Variants in NUAK2 observed in about 807,000 individuals in gnomAD.
NUAK2 encodes NUAK family SNF1-like kinase 2.
In NUAK2, 20 loss-of-function variants were observed where a neutral mutation model predicts 29.8. The observed-to-expected ratio is 0.67, with a 90% CI of 0.47 to 0.98. NUAK2 has a LOEUF of 0.98. Ranked by LOEUF, NUAK2 falls within the 50% of genes least tolerant of loss-of-function variation. The pLI is 0.00. For missense variants in NUAK2, 719 were observed against 834.5 expected, an observed-to-expected ratio of 0.86 and a Z score of 1.71; for synonymous variants, 331 against 342.6, an observed-to-expected ratio of 0.97 and a Z score of 0.37.
chr1:205,320,677 G>A (rs1662401264), intron 1 of NUAK2, among the ~76,000 whole-genome samples: 1 of 152,178 alleles, frequency 6.6e-6, no homozygotes, highest in Non-Finnish European at 1.5e-5. Context: ...TGCAAAAGGG[G>A]AAACAAAGTA....
At chr1:205,311,641 G>T (rs1053383924) in intron 2 of NUAK2, 64 bp downstream of exon 2, 3 of 1,579,438 alleles carry the variant, frequency 1.9e-6, no homozygotes, top group African/African-American at 2.7e-5. Flanking sequence ...ATGTACATAC[G>T]CATGTGAACA....
rs374096584 is a variant in NUAK2, at chr1:205,304,351, C to G, written c.986G>C (p.Arg329Pro). 3.1e-6 allele frequency: 5 copies of G among 1,610,478 alleles called. No homozygotes were observed. Among genetic ancestry groups the G allele is most frequent in the Non-Finnish European group, 4.2e-6 (5 of 1,177,826 alleles). The change falls in exon 7 of 7, where the codon CGC becomes CCC. Residue 329 changes from arginine (R) to proline (P), a missense_variant. By Grantham distance (103) the Arg-to-Pro change is moderately radical. Around this residue, in one of 3 missense-constraint regions of NUAK2, gnomAD observed 430 missense variants for 465.7 expected, o/e 0.92. Transcript: ENST00000367157. This position sits in a 1 kb window ranked among gnomAD's most constrained non-coding sequence, Gnocchi z 6.5. ...CCGGAGCCAGTCAGCCATGGAGGCG[C>G]GGGCAGAGTCACTGCCAGGGTGCCC... ...EGGHPGSDSA[R>P]ASMADWLRRS...
chr1:205,319,750 G>A (rs564162931), intron 1 of NUAK2, among the ~76,000 whole-genome samples: 4 of 152,284 alleles, frequency 2.6e-5, no homozygotes, highest in African/African-American at 9.6e-5. Context: ...TGTGCCAGGC[G>A]ATAGCAGGAA....
chr1:205,321,363 G>GC (rs1298317835), intron 1 of NUAK2, 35 bp downstream of exon 1: 2 of 1,570,618 alleles, frequency 1.3e-6, no homozygotes. Flanking sequence ...CCAAGCCGGA[G>GC]CCCGCCCCGC....
Position 205,308,835 on chromosome 1 carries a change from A to T in NUAK2, c.353-103T>A, listed in dbSNP as rs1344739264. On this transcript the variant is annotated intron_variant, in intron 2 of 6. Transcript: ENST00000367157. This position sits in a 1 kb window ranked among gnomAD's most constrained non-coding sequence, Gnocchi z 4.1. The stretch of plus-strand genomic sequence containing the variant: ...GACCCCAGGCCCCAAACCAGACAGG[A>T]CCCCCCTCCAGGAATATCTGCTAAT... 3.0e-6 allele frequency: 4 copies of T among 1,332,138 alleles called. No homozygotes were observed. The Admixed American group carries it at 5.7e-5, about 19-fold the overall frequency. 82.5% of individuals were successfully genotyped at this position (1,332,138 alleles called of 1,614,324 possible).
intron 4 of NUAK2, among the ~76,000 whole-genome samples, chr1:205,307,096 G>A (rs148383438): frequency 7.6e-4 from 116 of 152,268 alleles, no homozygotes; most frequent in African/African-American, 2.6e-3. Context: ...CAACCCCATC[G>A]TCTCGTTGCC....
chr1:205,317,638 G>C (rs1449457885), intron 1 of NUAK2, among the ~76,000 whole-genome samples: 1 of 152,198 alleles, frequency 6.6e-6, no homozygotes, highest in African/African-American at 2.4e-5. Context: ...TCCCTGCCCA[G>C]CCTTCTTGTG....
Position 205,308,602 on chromosome 1 carries a change from A to G in NUAK2, c.483T>C (p.Ser161=). ...TCACCTGATGGCAATAGTGCACGGC[A>G]GAGACGATCTGCCGGAAGAAATGCC... The part of the protein sequence containing the change: ...EARHFFRQIV[S]AVHYCHQNRV... The change falls in exon 3 of 7, where the codon TCT becomes TCC. Residue 161 remains serine (S), a synonymous_variant. Transcript: ENST00000367157. The surrounding 1 kb of genome is among the most constrained non-coding windows in gnomAD (Gnocchi z 4.1). 6.2e-7 allele frequency: 1 copy of G among 1,614,072 alleles called. No homozygotes were observed. The highest frequency in any genetic ancestry group is 8.5e-7 in the Non-Finnish European group (1 of 1,179,996).
chr1:205,312,962 C>A (rs1452190853), intron 1 of NUAK2, among the ~76,000 whole-genome samples: 1 of 152,122 alleles, frequency 6.6e-6, no homozygotes, highest in Non-Finnish European at 1.5e-5. Context: ...AAGCCAGTCA[C>A]GCAAGGATCA....
intron 2 of NUAK2, among the ~76,000 whole-genome samples, chr1:205,309,792 T>A (rs1372800038): frequency 6.6e-6 from 1 of 152,178 alleles, no homozygotes; most frequent in Non-Finnish European, 1.5e-5. Context: ...CTGACTTCCA[T>A]CCAGAGGATC....
rs1349207306 is a variant in NUAK2 at position 205,308,512 on chromosome 1, G to T, written c.504+69C>A. ...CCTGGACAAGTCATGGAACCTCTCT[G>T]GTCCAAAACAGCCCTAGAGCCCTGG... On this transcript the variant is annotated intron_variant, in intron 3 of 6. Coordinates refer to ENST00000367157, the MANE Select transcript of NUAK2 (RefSeq NM_030952.3). The surrounding 1 kb of genome is among the most constrained non-coding windows in gnomAD (Gnocchi z 4.1). 4 of 1,531,054 alleles carry T rather than the reference G, an allele frequency of 2.6e-6. No homozygotes were observed. Among genetic ancestry groups the T allele is most frequent in the Non-Finnish European group, 3.6e-6 (4 of 1,112,228 alleles). 94.8% of individuals were successfully genotyped at this position (1,531,054 alleles called of 1,614,324 possible).
At chr1:205,306,142 A>G in intron 5 of NUAK2, 46 bp downstream of exon 5, 1 of 1,554,212 alleles carries the variant, frequency 6.4e-7, no homozygotes, top group Non-Finnish European at 8.7e-7. Context: ...ATCTAAAGTC[A>G]TAGTAAACAT....
At chr1:205,316,200 A>G (rs866907382) in intron 1 of NUAK2, among the ~76,000 whole-genome samples, 2 of 152,318 alleles carry the variant, frequency 1.3e-5, no homozygotes, top group South Asian at 2.1e-4. Flanking sequence ...ACTTGACCAG[A>G]TAAGTCTGGT....
rs747834948 is a variant in NUAK2, at chr1:205,311,668, T to C, written c.352+37A>G. On this transcript the variant is annotated intron_variant, in intron 2 of 6. Transcript: ENST00000367157. Reference sequence around the variant, plus strand: ...ATGTGAACACACACATGCACACACATAGACCCCCAAGTTCCAGCTTTAAGT... The same window carrying C: ...ATGTGAACACACACATGCACACACACAGACCCCCAAGTTCCAGCTTTAAGT... 6 of 1,613,032 alleles carry C rather than the reference T, an allele frequency of 3.7e-6. No homozygotes were observed. In the Admixed American group the frequency reaches 6.7e-5, roughly 18 times the overall value.
At position 205,303,803 on chromosome 1, in the gene NUAK2, C is replaced by A; in HGVS notation, c.1534G>T (p.Ala512Ser). ...LKLNGKFSQT[A>S]LELAAPTTFG... is the part of the protein sequence containing the mutation. ...GTGGTGGGGGCCGCGAGCTCCAAGGCTGTCTGGGAGAACTTGCCATTGAGT... is the reference window on the plus strand; with the variant it reads ...GTGGTGGGGGCCGCGAGCTCCAAGGATGTCTGGGAGAACTTGCCATTGAGT... The change falls in exon 7 of 7, where the codon GCC becomes TCC. Residue 512 changes from alanine to serine, a missense_variant. Ala to Ser is a moderately conservative substitution (Grantham distance 99, BLOSUM62 1). Around this residue, in one of 3 missense-constraint regions of NUAK2, gnomAD observed 430 missense variants for 465.7 expected, o/e 0.92. Coordinates refer to ENST00000367157, the MANE Select transcript of NUAK2 (RefSeq NM_030952.3). 6.3e-7 allele frequency: 1 copy of A among 1,587,572 alleles called. No individual in the cohort carries two copies. Among genetic ancestry groups the A allele is most frequent in the Non-Finnish European group, 8.6e-7 (1 of 1,166,374 alleles).
Position 205,305,192 on chromosome 1 carries a change from T to A in NUAK2, c.823+7A>T. The A allele has an allele frequency of 1.9e-6, 3 of 1,613,488 alleles. No individual in the cohort carries two copies. The highest frequency in any genetic ancestry group is 2.5e-6 in the Non-Finnish European group (3 of 1,179,602). ...CCTGGATAAGAACGCCCACACCTCT[T>A]ACTCACCAGAGGGTTTAGGTGGCTC... On this transcript the variant is annotated splice_region_variant and intron_variant, in intron 6 of 6. Transcript: ENST00000367157.
At chr1:205,313,800 G>C (rs1662287403) in intron 1 of NUAK2, among the ~76,000 whole-genome samples, 1 of 151,808 alleles carries the variant, frequency 6.6e-6, no homozygotes, top group South Asian at 2.1e-4. Flanking sequence ...GAGCTGGGTG[G>C]GGGTGGGGTG....
chr1:205,303,981 G>A lies in NUAK2; in HGVS notation c.1356C>T (p.Pro452=), dbSNP rs1452448960. ...LLPKKGILKK[P]RQRESGYYSS... Reference sequence around the variant, plus strand: ...AGTAGTAGCCAGACTCGCGCTGTCGGGGCTTCTTGAGAATGCCCTTCTTGG... The same window carrying A: ...AGTAGTAGCCAGACTCGCGCTGTCGAGGCTTCTTGAGAATGCCCTTCTTGG... The change falls in exon 7 of 7, where the codon CCC becomes CCT. Residue 452 remains proline, a synonymous_variant. Transcript: ENST00000367157. 3 of 1,613,924 alleles carry A rather than the reference G, an allele frequency of 1.9e-6. No individual in the cohort carries two copies. The highest frequency in any genetic ancestry group is 3.3e-5 in the Admixed American group (2 of 60,024).
intron 2 of NUAK2, among the ~76,000 whole-genome samples, chr1:205,311,332 G>T (rs891069736): frequency 6.6e-6 from 1 of 152,204 alleles, no homozygotes. Context: ...GATTGCTAAG[G>T]AGCTCACTGG....
Sources: gnomAD v4.1 joint callset for allele counts (sites outside exome capture counted in the v4.1 genomes callset) on GRCh38, gnomAD v4.1.1 for gene constraint, gnomAD v4.1.1 regional missense constraint, Gnocchi (gnomAD v3.1) non-coding constraint, MANE v1.5 for transcripts, NCBI Gene and HGNC (gene_info 2026-07-23, HGNC 2026-07-21) for gene names.